PTGIS: variants seen among roughly 807,000 people sequenced by gnomAD.
PTGIS encodes prostaglandin I2 synthase.
A neutral mutation model predicts 50.3 loss-of-function variants in PTGIS; 45 were observed. The ratio of observed to expected loss-of-function variants is 0.90; its 90% confidence interval spans 0.70 to 1.15. PTGIS has a LOEUF of 1.15. Ranked by LOEUF, PTGIS falls within the 50% of genes most tolerant of loss-of-function variation. The probability of loss-of-function intolerance (pLI) is 0.00; values close to 1 mark genes in which losing one functional copy is unlikely to be tolerated. For missense variants in PTGIS, 668 were observed against 661.3 expected (o/e 1.01, Z -0.11); for synonymous variants, 260 against 267.7 (o/e 0.97, Z 0.28).
rs1277741094 is a variant in PTGIS, at chr20:49,505,670, C to T, written c.*2250G>A. 1 of 152,724 alleles carries T rather than the reference C, an allele frequency of 6.5e-6. No homozygotes were observed. The highest frequency in any genetic ancestry group is 1.5e-5 in the Non-Finnish European group (1 of 68,116). The allele number at this position is 152,724 out of a possible 1,614,324, so 9.5% of individuals were successfully genotyped here. The stretch of plus-strand genomic sequence containing the variant: ...GCTTGCTTCCTTCCCTTCCCAGCCA[C>T]GATGAGGCAGCTGAGGGTTGCCACG... On this transcript the variant is annotated 3_prime_UTR_variant, in exon 10 of 10. Transcript: ENST00000244043.
At chr20:49,517,512 C>T (rs559687044) in intron 6 of PTGIS, among the ~76,000 whole-genome samples, 2 of 152,220 alleles carry the variant, frequency 1.3e-5, no homozygotes, top group African/African-American at 4.8e-5. Flanking sequence ...GAATTTGCCA[C>T]CCTGGAATTT....
intron 1 of PTGIS, among the ~76,000 whole-genome samples, chr20:49,556,286 A>G (rs181810784): frequency 8.1e-4 from 124 of 152,288 alleles, no homozygotes; most frequent in African/African-American, 2.9e-3. Flanking sequence ...TGGTTATTTT[A>G]CCAAGGCTTT....
intron 2 of PTGIS, 89 bp downstream of exon 2, chr20:49,549,977 T>C: frequency 6.2e-7 from 1 of 1,603,650 alleles, no homozygotes; most frequent in Non-Finnish European, 8.5e-7. Flanking sequence ...GGGGTTGGCA[T>C]AGGGACATAT....
At position 49,524,165 on chromosome 20, in the gene PTGIS, C is replaced by CT; in HGVS notation, c.747_748insA (p.Ala250SerfsTer55). ...CTCTCCAGCCATTTGCTCCGGTGGG[C>CT]CCGCCTGGCCAGCCTGGCTGGGGAT... On this transcript the variant is annotated frameshift_variant, in exon 6 of 10. Coordinates refer to ENST00000244043, the MANE Select transcript of PTGIS (RefSeq NM_000961.4). LOFTEE classifies it high-confidence loss of function. The CT allele has an allele frequency of 1.9e-6, 3 of 1,614,252 alleles. No individual in the cohort carries two copies. The highest frequency in any genetic ancestry group is 2.5e-6 in the Non-Finnish European group (3 of 1,180,042).
rs544579785 is a variant in PTGIS at position 49,546,615 on chromosome 20, C to T, written c.377+1226G>A. Among the ~76,000 whole-genome samples the T allele has an allele frequency of 1.4e-4, 22 of 152,278 alleles. No homozygotes were observed. In the South Asian group the frequency reaches 1.7e-3, roughly 11 times the overall value. On this transcript the variant is annotated intron_variant, in intron 3 of 9. Transcript: ENST00000244043. ...TTGGTATCTTAGATGAAGGAGAATG[C>T]GCTGTGAAGTCAGTGGACCTGGGTT...
chr20:49,531,388 T>C (rs1463085914), intron 5 of PTGIS, among the ~76,000 whole-genome samples: 2 of 152,104 alleles, frequency 1.3e-5, no homozygotes, highest in African/African-American at 4.8e-5. Context: ...TAAAGCCCCC[T>C]CCTGAAATGT....
chr20:49,515,522 A>T (rs1981452424), intron 6 of PTGIS, among the ~76,000 whole-genome samples: 1 of 152,234 alleles, frequency 6.6e-6, no homozygotes, highest in Non-Finnish European at 1.5e-5. Flanking sequence ...TTCAATCATA[A>T]TAATGGAATA....
chr20:49,539,100 G>A (rs1486630657), intron 5 of PTGIS, among the ~76,000 whole-genome samples: 1 of 152,182 alleles, frequency 6.6e-6, no homozygotes, highest in Admixed American at 6.5e-5. Context: ...CTGTGTGTCT[G>A]TTTAGAGAAA....
intron 6 of PTGIS, among the ~76,000 whole-genome samples, chr20:49,517,537 G>A (rs368985879): frequency 3.3e-5 from 5 of 152,042 alleles, no homozygotes; most frequent in Admixed American, 1.3e-4. Context: ...TTTCACCCAC[G>A]GAGCCTTGCC....
chr20:49,514,084 G>T, intron 7 of PTGIS, 143 bp downstream of exon 7: 1 of 940,232 alleles, frequency 1.1e-6, no homozygotes, highest in Non-Finnish European at 1.6e-6. Context: ...TGCCAGGTGT[G>T]TGAAGATAGG....
chr20:49,535,384 G>T (rs1051594830), intron 5 of PTGIS, among the ~76,000 whole-genome samples: 1 of 152,136 alleles, frequency 6.6e-6, no homozygotes, highest in Non-Finnish European at 1.5e-5. Flanking sequence ...CCAGATGGTA[G>T]AACAGATACA....
chr20:49,562,606 C>T (rs941479616), intron 1 of PTGIS, among the ~76,000 whole-genome samples: 30 of 152,352 alleles, frequency 2.0e-4, no homozygotes, highest in Admixed American at 1.9e-3. Context: ...CAGGCCCTGG[C>T]GGGCAGGGCG....
In PTGIS at chr20:49,540,070, G is replaced by C. The variant is rs1982186630; in HGVS notation, c.522-349C>G. Among the ~76,000 whole-genome samples, 1 of 152,008 alleles carries C rather than the reference G, an allele frequency of 6.6e-6. No homozygotes were observed. The highest frequency in any genetic ancestry group is 6.5e-5 in the Admixed American group (1 of 15,272). On this transcript the variant is annotated intron_variant, in intron 4 of 9. Transcript: ENST00000244043. This position sits in a 1 kb window ranked among gnomAD's most constrained non-coding sequence, Gnocchi z 4.8. ...GTGAGGGAGGGGCTGGTGTCAAGCT[G>C]ACAGCTGAAGGCTGAGAAGGAGTCA...
intron 7 of PTGIS, 106 bp from the exon 8 acceptor site, chr20:49,513,367 G>T: frequency 2.3e-6 from 3 of 1,310,388 alleles, no homozygotes; most frequent in Non-Finnish European, 3.2e-6. Flanking sequence ...GCTCAGAGAG[G>T]GTGCCTGCCT....
intron 7 of PTGIS, 53 bp downstream of exon 7, chr20:49,514,174 G>T: frequency 6.2e-7 from 1 of 1,600,334 alleles, no homozygotes; most frequent in Non-Finnish European, 8.5e-7. Flanking sequence ...GGGCTTTGGG[G>T]GTCCATGATG....
intron 1 of PTGIS, among the ~76,000 whole-genome samples, chr20:49,558,729 T>G (rs1296184281): frequency 7.7e-6 from 1 of 129,410 alleles, no homozygotes. Flanking sequence ...TTTTTTTTTT[T>G]TGAGATGGAG....
At chr20:49,528,240 T>C (rs1248085994) in intron 5 of PTGIS, among the ~76,000 whole-genome samples, 1 of 152,214 alleles carries the variant, frequency 6.6e-6, no homozygotes, top group Non-Finnish European at 1.5e-5. Flanking sequence ...AAGTTTTAAA[T>C]TACATGCTGT....
Position 49,532,245 on chromosome 20 carries a change from A to T in PTGIS, c.673+7325T>A, listed in dbSNP as rs565830035. Reference sequence around the variant, plus strand: ...TTTAGTGTGTCTAATAGAAAATTTTAAATTACAAATGTGATTCCCATTATT... The same window carrying T: ...TTTAGTGTGTCTAATAGAAAATTTTTAATTACAAATGTGATTCCCATTATT... On this transcript the variant is annotated intron_variant, in intron 5 of 9. Transcript: ENST00000244043. Among the ~76,000 whole-genome samples, 7 of 152,352 alleles carry T rather than the reference A, an allele frequency of 4.6e-5. No individual in the cohort carries two copies. In the East Asian group the frequency reaches 1.2e-3, roughly 25 times the overall value.
rs182193419 is a variant in PTGIS, at chr20:49,526,648, C to T, written c.674-2409G>A. Among the ~76,000 whole-genome samples the T allele has an allele frequency of 3.3e-4, 50 of 152,134 alleles. No individual in the cohort carries two copies. The East Asian group carries it at 9.5e-3, about 29-fold the overall frequency. On this transcript the variant is annotated intron_variant, in intron 5 of 9. Coordinates refer to ENST00000244043, the MANE Select transcript of PTGIS (RefSeq NM_000961.4). ...TCAACAACAATAAAAAACAAACAAC[C>T]TGATTTGAAAATTGGCAAAGGACTT...
Sources: gnomAD v4.1 joint callset for allele counts (sites outside exome capture counted in the v4.1 genomes callset) on GRCh38, gnomAD v4.1.1 for gene constraint, Gnocchi (gnomAD v3.1) non-coding constraint, MANE v1.5 for transcripts, NCBI Gene and HGNC (gene_info 2026-07-23, HGNC 2026-07-21) for gene names.